Variants in MAST2 observed in about 807,000 individuals in gnomAD.
The protein encoded by MAST2 is microtubule-associated serine/threonine-protein kinase 2.
In MAST2, 70 loss-of-function variants were observed where a neutral mutation model predicts 147.4. The observed-to-expected ratio is 0.47, with a 90% CI of 0.39 to 0.58. The LOEUF is 0.58. Ranked by LOEUF, MAST2 falls within the 20% of genes least tolerant of loss-of-function variation. The pLI is 0.00. For synonymous variants in MAST2, 869 were observed against 896.8 expected (o/e 0.97, Z 0.55); for missense variants, 2,080 against 2,302.3 (o/e 0.90, Z 1.98).
At chr1:45,884,643 C>G (rs1039975773) in intron 4 of MAST2, among the ~76,000 whole-genome samples, 2 of 152,162 alleles carry the variant, frequency 1.3e-5, no homozygotes, top group African/African-American at 4.8e-5. Context: ...TAGATAAATT[C>G]TTCTCTTTTG....
At chr1:45,897,020 T>C (rs966162285) in intron 4 of MAST2, among the ~76,000 whole-genome samples, 2 of 152,260 alleles carry the variant, frequency 1.3e-5, no homozygotes, top group African/African-American at 4.8e-5. Flanking sequence ...TAGACTCTTT[T>C]GGGCTGTTAA....
intron 1 of MAST2, among the ~76,000 whole-genome samples, chr1:45,823,625 T>C (rs1010859218): frequency 3.3e-5 from 5 of 152,176 alleles, no homozygotes; most frequent in African/African-American, 9.7e-5. Flanking sequence ...TGAGCTACTG[T>C]ACCCGGCCCA....
chr1:45,844,182 G>A (rs951104684), intron 3 of MAST2, among the ~76,000 whole-genome samples: 13 of 151,924 alleles, frequency 8.6e-5, no homozygotes, highest in Non-Finnish European at 1.5e-5. Flanking sequence ...TCACCGCAGT[G>A]TCAACCTGCT....
chr1:45,946,839 C>T (rs1197996040), intron 4 of MAST2, among the ~76,000 whole-genome samples: 1 of 152,132 alleles, frequency 6.6e-6, no homozygotes, highest in Admixed American at 6.5e-5. Flanking sequence ...TGGGAGCATA[C>T]TGTTTCCTTA....
chr1:45,951,638 C>A (rs1397150200), intron 4 of MAST2, among the ~76,000 whole-genome samples: 1 of 151,968 alleles, frequency 6.6e-6, no homozygotes, highest in African/African-American at 2.4e-5. Context: ...AAAAAAAGAC[C>A]AAATATATTT....
intron 3 of MAST2, among the ~76,000 whole-genome samples, chr1:45,848,854 C>A (rs571748270): frequency 2.6e-5 from 4 of 152,090 alleles, no homozygotes; most frequent in Non-Finnish European, 5.9e-5. Context: ...CCCAAAAGCT[C>A]CTTCAACTGA....
chr1:45,845,128 T>C (rs889332920), intron 3 of MAST2, among the ~76,000 whole-genome samples: 9 of 152,146 alleles, frequency 5.9e-5, no homozygotes, highest in African/African-American at 2.2e-4. Context: ...ATTCATACCA[T>C]AGCAGTTGAG....
At chr1:45,836,850 C>T (rs1008373589) in intron 3 of MAST2, among the ~76,000 whole-genome samples, 5 of 152,144 alleles carry the variant, frequency 3.3e-5, no homozygotes, top group African/African-American at 9.7e-5. Flanking sequence ...ACCTTTTTGG[C>T]ACCAGGGACG....
Position 45,969,070 on chromosome 1 carries a change from A to G in MAST2, c.592+9593A>G, listed in dbSNP as rs75874332. Among the ~76,000 whole-genome samples, 541 of 152,140 alleles carry G rather than the reference A, an allele frequency of 3.6e-3. 6 individuals carry two copies. Among genetic ancestry groups the G allele is most frequent in the East Asian group, 0.034 (174 of 5,172 alleles). ...CTTCCTTAGAATTTCTATTTATATT[A>G]TCCATCTGTTCTTGCGTGTTGTCTA... On this transcript the variant is annotated intron_variant, in intron 5 of 28. Coordinates refer to ENST00000361297, the MANE Select transcript of MAST2 (RefSeq NM_015112.3).
At chr1:45,990,565 C>A (rs1644818737) in intron 5 of MAST2, among the ~76,000 whole-genome samples, 1 of 152,084 alleles carries the variant, frequency 6.6e-6, no homozygotes, top group South Asian at 2.1e-4. Context: ...GCAGTCACAG[C>A]CCACTACAGC....
Position 46,028,802 on chromosome 1 carries a change from T to G in MAST2, c.2087T>G (p.Val696Gly). The G allele has an allele frequency of 6.2e-7, 1 of 1,614,098 alleles. No homozygotes were observed. Among genetic ancestry groups the G allele is most frequent in the Non-Finnish European group, 8.5e-7 (1 of 1,179,994 alleles). ...CGTPEYIAPE[V>G]ILRQGYGKPV... ...ACCCCAGAATACATTGCGCCTGAGG[T>G]GATCCTGCGCCAGGGCTATGGGAAG... The change falls in exon 18 of 29, where the codon GTG becomes GGG. Residue 696 changes from valine (V) to glycine (G), a missense_variant. This residue lies in a region of MAST2 where 209 missense variants were observed against 309.5 expected (regional missense o/e 0.68). Transcript: ENST00000361297.
At chr1:45,935,060 T>A (rs1368691154) in intron 4 of MAST2, among the ~76,000 whole-genome samples, 1 of 152,220 alleles carries the variant, frequency 6.6e-6, no homozygotes, top group Non-Finnish European at 1.5e-5. Context: ...CTCGCCAGCA[T>A]CCATTATTTT....
rs764113434 is a variant in MAST2 at position 46,029,857 on chromosome 1, C to T, written c.2347C>T (p.Pro783Ser). 6.2e-6 allele frequency: 10 copies of T among 1,614,046 alleles called. No homozygotes were observed. The African/African-American group carries it at 1.2e-4, about 19-fold the overall frequency. The stretch of plus-strand genomic sequence containing the variant: ...CAGTGCCTATGAGGTGAAGCAGCAC[C>T]CATTCTTTACTGGTCTGGACTGGAC... Reference protein sequence around the residue: ...TGSAYEVKQHPFFTGLDWTGL... With the variant: ...TGSAYEVKQHSFFTGLDWTGL... The change falls in exon 20 of 29, where the codon CCA becomes TCA. Residue 783 changes from proline (P) to serine (S), a missense_variant. Pro to Ser is a moderately conservative substitution (Grantham distance 74). Transcript: ENST00000361297.
At chr1:45,879,130 TAG>T (rs1305099217) in intron 3 of MAST2, among the ~76,000 whole-genome samples, 1 of 151,572 alleles carries the variant, frequency 6.6e-6, no homozygotes, top group Admixed American at 6.6e-5. Flanking sequence ...TAGGATGCAA[TAG>T]AGAGCCCAGA....
chr1:45,834,811 T>C (rs1185002378), intron 3 of MAST2, among the ~76,000 whole-genome samples: 1 of 152,148 alleles, frequency 6.6e-6, no homozygotes, highest in Non-Finnish European at 1.5e-5. Flanking sequence ...AACTAGTATC[T>C]GCAGTTTTGA....
At chr1:45,948,764 G>T (rs1423933152) in intron 4 of MAST2, among the ~76,000 whole-genome samples, 2 of 131,068 alleles carry the variant, frequency 1.5e-5, no homozygotes, top group Admixed American at 1.6e-4. Context: ...AGCCCAAATC[G>T]CCAAGGCAAT....
At chr1:46,018,273 A>G (rs552740776) in intron 10 of MAST2, among the ~76,000 whole-genome samples, 8 of 152,014 alleles carry the variant, frequency 5.3e-5, no homozygotes, top group African/African-American at 1.9e-4. Context: ...CCATGTCTTC[A>G]GTTGTCATCT....
intron 3 of MAST2, among the ~76,000 whole-genome samples, chr1:45,842,993 T>A (rs1392858912): frequency 6.6e-6 from 1 of 152,238 alleles, no homozygotes; most frequent in Non-Finnish European, 1.5e-5. Flanking sequence ...CTGGTGAGTA[T>A]GAAGTGGTAC....
chr1:45,983,790 T>TA lies in MAST2; in HGVS notation c.593-13933dup, dbSNP rs766615783. On this transcript the variant is annotated intron_variant, in intron 5 of 28. Coordinates refer to ENST00000361297, the MANE Select transcript of MAST2 (RefSeq NM_015112.3). ...TTTCTTTTACAAAATATGTTCCAAA[T>TA]ATGCCAACTTTTTCTGTGCTAACAA... Among the ~76,000 whole-genome samples the TA allele has an allele frequency of 5.3e-5, 8 of 152,194 alleles. No homozygotes were observed. The East Asian group carries it at 1.5e-3, about 29-fold the overall frequency.
Sources: allele counts gnomAD v4.1 joint callset (sites outside exome capture counted in the v4.1 genomes callset), GRCh38; gene constraint gnomAD v4.1.1; regional missense constraint gnomAD v4.1.1; transcripts MANE v1.5; gene names NCBI Gene and HGNC (gene_info 2026-07-23, HGNC 2026-07-21).